The following CCDC91 variants were observed in gnomAD, a reference collection of about 807,000 sequenced individuals.
CCDC91 encodes coiled-coil domain-containing protein 91.
CCDC91 carries 48 observed loss-of-function variants against 63.2 expected under a neutral mutation model. The observed-to-expected ratio is 0.76, with a 90% CI of 0.60 to 0.97. The LOEUF (loss-of-function observed/expected upper bound fraction) is 0.97, where lower values mean the gene tolerates loss of function less well. Among genes scored for constraint, CCDC91 ranks in the 50% least tolerant of loss-of-function variants. CCDC91 has a pLI of 0.00. For synonymous variants in CCDC91, 167 were observed against 165.8 expected (o/e 1.01, Z -0.06); for missense variants, 500 against 494.6 (o/e 1.01, Z -0.10).
intron 3 of CCDC91, among the ~76,000 whole-genome samples, chr12:28,290,044 G>GTT (rs1217888919): frequency 6.6e-6 from 1 of 152,002 alleles, no homozygotes; most frequent in African/African-American, 2.4e-5. Flanking sequence ...CCAGTGCTGA[G>GTT]TTTAGGCCCT....
At chr12:28,319,417 G>A (rs1305302289) in intron 6 of CCDC91, 2 of 151,792 alleles carry the variant, frequency 1.3e-5, no homozygotes, top group Admixed American at 6.6e-5. Flanking sequence ...CAGTAATTCC[G>A]CCTTGGATAA....
At chr12:28,491,889 G>GTT (rs1952027439) in intron 12 of CCDC91, among the ~76,000 whole-genome samples, 1 of 149,434 alleles carries the variant, frequency 6.7e-6, no homozygotes, top group African/African-American at 2.5e-5. Context: ...GTGTGTGTGT[G>GTT]TGTGTGTGAA....
At chr12:28,306,426 T>A (rs1938734165) in intron 4 of CCDC91, among the ~76,000 whole-genome samples, 1 of 152,038 alleles carries the variant, frequency 6.6e-6, no homozygotes, top group Non-Finnish European at 1.5e-5. Flanking sequence ...TTAAGAACTG[T>A]TAACAACCAG....
chr12:28,267,278 A>G lies in CCDC91; in HGVS notation c.109+7836A>G, dbSNP rs544614711. Among the ~76,000 whole-genome samples the G allele has an allele frequency of 2.6e-5, 4 of 152,004 alleles. No homozygotes were observed. The South Asian group carries it at 6.2e-4, about 24-fold the overall frequency. Reference sequence around the variant, plus strand: ...AGATGACAGTGTATTATATATACATAGTAATACTCCTTGCTTTTTTTTCCA... The same window carrying G: ...AGATGACAGTGTATTATATATACATGGTAATACTCCTTGCTTTTTTTTCCA... On this transcript the variant is annotated intron_variant, in intron 3 of 12. Transcript: ENST00000536442.
intron 7 of CCDC91, among the ~76,000 whole-genome samples, chr12:28,372,849 A>T (rs1489778292): frequency 1.3e-5 from 2 of 152,100 alleles, no homozygotes; most frequent in African/African-American, 4.8e-5. Flanking sequence ...TGCTCTTGGT[A>T]GGACTTCCAG....
intron 8 of CCDC91, among the ~76,000 whole-genome samples, chr12:28,397,454 G>C (rs1366021207): frequency 2.0e-5 from 3 of 151,962 alleles, no homozygotes; most frequent in Non-Finnish European, 4.4e-5. Context: ...CCTAGAAGTA[G>C]AGCTCATTTA....
At chr12:28,542,316 A>C (rs573910664) in intron 12 of CCDC91, among the ~76,000 whole-genome samples, 2 of 152,102 alleles carry the variant, frequency 1.3e-5, no homozygotes, top group Admixed American at 1.3e-4. Flanking sequence ...GTTGTGGTCA[A>C]AAGGTTTTAA....
chr12:28,234,809 T>G (rs1302253324), intron 1 of CCDC91, among the ~76,000 whole-genome samples: 2 of 152,130 alleles, frequency 1.3e-5, no homozygotes, highest in East Asian at 1.9e-4. Flanking sequence ...ATTGTCAGTC[T>G]TCTTTTCTAT....
chr12:28,219,468 A>ATTTTTTTTT (rs752030088), intron 1 of CCDC91, among the ~76,000 whole-genome samples: 1 of 121,652 alleles, frequency 8.2e-6, no homozygotes, highest in African/African-American at 3.3e-5. Context: ...CAGTGTAACC[A>ATTTTTTTTT]TTTTTTTTTT....
chr12:28,229,047 C>G (rs537535405), intron 1 of CCDC91, among the ~76,000 whole-genome samples: 1 of 152,240 alleles, frequency 6.6e-6, no homozygotes, highest in African/African-American at 2.4e-5. Context: ...TTGTCTTACA[C>G]ATCCCTCTTC....
chr12:28,531,129 G>T (rs1332532457), intron 12 of CCDC91, among the ~76,000 whole-genome samples: 3 of 152,130 alleles, frequency 2.0e-5, no homozygotes, highest in African/African-American at 7.2e-5. Context: ...CAGACTGATA[G>T]ACCAATCCAG....
intron 7 of CCDC91, among the ~76,000 whole-genome samples, chr12:28,364,330 G>A (rs1005425898): frequency 6.0e-4 from 91 of 152,272 alleles, no homozygotes; most frequent in African/African-American, 2.2e-3. Flanking sequence ...GGAGGTTGCA[G>A]TGAGCCGAGA....
intron 3 of CCDC91, among the ~76,000 whole-genome samples, chr12:28,273,929 G>A (rs1237231500): frequency 1.3e-5 from 2 of 152,158 alleles, no homozygotes. Context: ...CCTATGTCCT[G>A]AAGGGTATTG....
At chr12:28,246,185 A>G (rs1363862911) in intron 1 of CCDC91, among the ~76,000 whole-genome samples, 5 of 152,196 alleles carry the variant, frequency 3.3e-5, no homozygotes, top group Admixed American at 2.6e-4. Flanking sequence ...GATAAAAGTA[A>G]TATGCTTTTT....
intron 8 of CCDC91, among the ~76,000 whole-genome samples, chr12:28,392,526 G>A (rs1946014268): frequency 6.6e-6 from 1 of 152,172 alleles, no homozygotes; most frequent in Non-Finnish European, 1.5e-5. Context: ...GCCTGGAAAT[G>A]ACACATTCGA....
chr12:28,254,939 T>C (rs182634879), intron 1 of CCDC91, among the ~76,000 whole-genome samples: 49 of 152,098 alleles, frequency 3.2e-4, no homozygotes, highest in Non-Finnish European at 1.6e-4. Context: ...ACCTGGCTAA[T>C]TTTTTGTATT....
intron 6 of CCDC91, among the ~76,000 whole-genome samples, chr12:28,325,720 A>G (rs1313017340): frequency 6.6e-6 from 1 of 151,990 alleles, no homozygotes; most frequent in East Asian, 1.9e-4. Flanking sequence ...TTAGGAATCT[A>G]TTAAACCAGT....
At chr12:28,371,517 C>T (rs1355643192) in intron 7 of CCDC91, among the ~76,000 whole-genome samples, 2 of 152,130 alleles carry the variant, frequency 1.3e-5, no homozygotes, top group East Asian at 3.9e-4. Context: ...TACTTTGAAC[C>T]AATTTGTGTC....
At chr12:28,191,815 T>TGTA in intron 1 of CCDC91, among the ~76,000 whole-genome samples, 1 of 152,320 alleles carries the variant, frequency 6.6e-6, no homozygotes, top group East Asian at 1.9e-4. Context: ...GTAAGGGTCA[T>TGTA]GCCAGGCAGA....
Sources: gnomAD v4.1 joint callset for allele counts (sites outside exome capture counted in the v4.1 genomes callset) on GRCh38, gnomAD v4.1.1 for gene constraint, MANE v1.5 for transcripts, NCBI Gene and HGNC (gene_info 2026-07-23, HGNC 2026-07-21) for gene names.